ATRNL1: variants seen among roughly 807,000 people sequenced by gnomAD.
ATRNL1 encodes attractin-like protein 1.
In ATRNL1, 95 loss-of-function variants were observed where a neutral mutation model predicts 182.7. The ratio of observed to expected loss-of-function variants is 0.52; its 90% CI spans 0.44 to 0.62. ATRNL1 has a LOEUF of 0.62. Among genes scored for constraint, ATRNL1 ranks in the 20% least tolerant of loss-of-function variants. ATRNL1 has a pLI of 0.00. For missense variants in ATRNL1, 1,471 were observed against 1,679.5 expected, an observed-to-expected ratio of 0.88 and a Z score of 2.17; for synonymous variants, 576 against 568.3, an observed-to-expected ratio of 1.01 and a Z score of -0.19.
intron 20 of ATRNL1, among the ~76,000 whole-genome samples, chr10:115,396,496 C>G (rs962303368): frequency 3.3e-5 from 5 of 151,992 alleles, no homozygotes; most frequent in Non-Finnish European, 7.4e-5. Context: ...CTACATTCTT[C>G]TTTTGCACAA....
intron 26 of ATRNL1, among the ~76,000 whole-genome samples, chr10:115,625,258 C>G (rs1486412268): frequency 6.6e-6 from 1 of 152,022 alleles, no homozygotes; most frequent in Non-Finnish European, 1.5e-5. Context: ...TGATGATTAG[C>G]ATTTTGTTCG....
chr10:115,547,717 A>G (rs1554994241), intron 25 of ATRNL1, among the ~76,000 whole-genome samples: 2 of 152,226 alleles, frequency 1.3e-5, no homozygotes, highest in African/African-American at 4.8e-5. Context: ...GAAAGAAAGT[A>G]TTCAGGAGAG....
At chr10:115,627,668 T>C (rs572037866) in intron 26 of ATRNL1, among the ~76,000 whole-genome samples, 2 of 152,120 alleles carry the variant, frequency 1.3e-5, no homozygotes, top group South Asian at 2.1e-4. Context: ...CCCCACCTCA[T>C]TGTATTTTCA....
intron 28 of ATRNL1, among the ~76,000 whole-genome samples, chr10:115,895,286 A>C (rs1363806161): frequency 2.0e-5 from 3 of 152,336 alleles, no homozygotes; most frequent in Middle Eastern, 3.4e-3. Flanking sequence ...ACAACACTGC[A>C]CTGGTCCACC....
intron 27 of ATRNL1, among the ~76,000 whole-genome samples, chr10:115,821,362 C>T (rs1950292198): frequency 6.6e-6 from 1 of 152,108 alleles, no homozygotes; most frequent in Non-Finnish European, 1.5e-5. Context: ...TGTCAATGGT[C>T]TTTACAATTT....
chr10:115,389,558 A>ATATG (rs1843889742), intron 19 of ATRNL1, among the ~76,000 whole-genome samples: 1 of 75,028 alleles, frequency 1.3e-5, no homozygotes, highest in African/African-American at 4.3e-5. Context: ...ATATATATAT[A>ATATG]TATATATATA....
intron 26 of ATRNL1, among the ~76,000 whole-genome samples, chr10:115,643,401 C>A: frequency 6.6e-6 from 1 of 152,054 alleles, no homozygotes; most frequent in Non-Finnish European, 1.5e-5. Context: ...AGGAGAAAAT[C>A]TTTGTGACCT....
intron 14 of ATRNL1, among the ~76,000 whole-genome samples, chr10:115,282,089 CTA>C (rs1852390064): frequency 7.0e-6 from 1 of 142,474 alleles, no homozygotes; most frequent in Non-Finnish European, 1.5e-5. Flanking sequence ...AATTATATAT[CTA>C]GTAATTTTAA....
chr10:115,933,971 G>C (rs1256476434), intron 28 of ATRNL1, among the ~76,000 whole-genome samples: 1 of 152,156 alleles, frequency 6.6e-6, no homozygotes, highest in Non-Finnish European at 1.5e-5. Context: ...CCCAGCCCCA[G>C]CTGAGTAGTG....
At chr10:115,380,208 A>G (rs1247404565) in intron 19 of ATRNL1, among the ~76,000 whole-genome samples, 3 of 152,176 alleles carry the variant, frequency 2.0e-5, no homozygotes, top group African/African-American at 7.2e-5. Flanking sequence ...TACCAAAAGT[A>G]ATTTTATGTA....
intron 26 of ATRNL1, among the ~76,000 whole-genome samples, chr10:115,696,870 C>CGAGAGAGAGAGAGAGAGAGAGA (rs138252590): frequency 1.4e-4 from 19 of 134,040 alleles, no homozygotes; most frequent in African/African-American, 3.1e-4. Flanking sequence ...CATATCAGAG[C>CGAGAGAGAGAGAGAGAGAGAGA]GAGAGAGAGA....
At chr10:115,401,873 C>G (rs1479936692) in intron 20 of ATRNL1, among the ~76,000 whole-genome samples, 7 of 152,072 alleles carry the variant, frequency 4.6e-5, no homozygotes, top group Non-Finnish European at 1.0e-4. Flanking sequence ...TATTATAGCA[C>G]TATGAAATTT....
At chr10:115,815,951 A>G (rs1210308166) in intron 27 of ATRNL1, among the ~76,000 whole-genome samples, 1 of 152,118 alleles carries the variant, frequency 6.6e-6, no homozygotes, top group African/African-American at 2.4e-5. Flanking sequence ...AACCTTCAGT[A>G]TTGTCCCACA....
intron 5 of ATRNL1, among the ~76,000 whole-genome samples, chr10:115,144,612 A>G (rs781935392): frequency 2.0e-5 from 3 of 152,176 alleles, no homozygotes; most frequent in African/African-American, 7.2e-5. Context: ...TCTTAGCATG[A>G]ATATTTCTTA....
intron 26 of ATRNL1, among the ~76,000 whole-genome samples, chr10:115,673,898 ACT>A (rs1292919240): frequency 6.6e-5 from 10 of 151,842 alleles, no homozygotes; most frequent in African/African-American, 1.2e-4. Context: ...TGGAACACTG[ACT>A]CTCTGGAAAA....
intron 16 of ATRNL1, 131 bp from the exon 17 acceptor site, chr10:115,301,724 A>G: frequency 3.2e-6 from 2 of 633,248 alleles, no homozygotes; most frequent in South Asian, 3.9e-5. Flanking sequence ...GTTTTTATCT[A>G]CCTCATCATA....
chr10:115,477,354 G>A (rs904926841), intron 24 of ATRNL1, among the ~76,000 whole-genome samples: 15 of 151,544 alleles, frequency 9.9e-5, no homozygotes, highest in African/African-American at 3.4e-4. Flanking sequence ...TAAGCAGAAA[G>A]CTTTCATTCC....
At chr10:115,628,212 A>T (rs902830718) in intron 26 of ATRNL1, among the ~76,000 whole-genome samples, 1 of 151,988 alleles carries the variant, frequency 6.6e-6, no homozygotes, top group Non-Finnish European at 1.5e-5. Flanking sequence ...CCAGCGATGT[A>T]TGCGAGTTTC....
At chr10:115,189,894 A>G (rs781863399) in intron 8 of ATRNL1, among the ~76,000 whole-genome samples, 68 of 152,140 alleles carry the variant, frequency 4.5e-4, no homozygotes, top group Admixed American at 6.6e-4. Flanking sequence ...AGCTTCATTC[A>G]TGGTAAGTGT....
Sources: gnomAD v4.1 joint callset for allele counts (sites outside exome capture counted in the v4.1 genomes callset) on GRCh38, gnomAD v4.1.1 for gene constraint, MANE v1.5 for transcripts, NCBI Gene and HGNC (gene_info 2026-07-23, HGNC 2026-07-21) for gene names.